USP42: variants seen among roughly 807,000 people sequenced by gnomAD.
The protein encoded by USP42 is ubiquitin specific peptidase 42, also known as ubiquitin carboxyl-terminal hydrolase 42.
In USP42, 23 loss-of-function variants were observed where a neutral mutation model predicts 113.0. The ratio of observed to expected loss-of-function variants is 0.20; its 90% CI spans 0.15 to 0.29. The LOEUF (loss-of-function observed/expected upper bound fraction) is 0.29, where lower values mean the gene tolerates loss of function less well. Among genes scored for constraint, USP42 ranks in the 10% least tolerant of loss-of-function variants. The pLI is 1.00. For synonymous variants in USP42, 933 were observed against 699.0 expected, an observed-to-expected ratio of 1.33 and a Z score of -5.28; for missense variants, 2,174 against 1,779.8, an observed-to-expected ratio of 1.22 and a Z score of -3.99.
chr7:6,081,465 G>A, the USP42 span, among the ~76,000 whole-genome samples: 8 of 152,144 alleles, frequency 5.3e-5, no homozygotes, highest in South Asian at 2.1e-4. Flanking sequence ...AGCCAATCGC[G>A]CCTCGCTCCT....
At chr7:6,115,841 G>A (rs552889844) in intron 3 of USP42, among the ~76,000 whole-genome samples, 2 of 152,254 alleles carry the variant, frequency 1.3e-5, no homozygotes, top group Non-Finnish European at 2.9e-5. Context: ...GCTCACACCT[G>A]TAATCCCAGC....
upstream of USP42, among the ~76,000 whole-genome samples, chr7:6,101,151 G>T (rs1790116605): frequency 6.6e-6 from 1 of 151,118 alleles, no homozygotes; most frequent in Non-Finnish European, 1.5e-5. Context: ...CTCCCCTTCA[G>T]CTAAGAACAG....
At chr7:6,137,850 T>G (rs1013503985) in intron 4 of USP42, among the ~76,000 whole-genome samples, 47 of 152,000 alleles carry the variant, frequency 3.1e-4, no homozygotes, top group African/African-American at 1.1e-3. Flanking sequence ...CTGGCTAATT[T>G]TTGTATTTTT....
At chr7:6,108,662 G>C (rs1779425189) in intron 1 of USP42, among the ~76,000 whole-genome samples, 1 of 152,072 alleles carries the variant, frequency 6.6e-6, no homozygotes, top group Admixed American at 6.6e-5. Context: ...TGTATTTTCA[G>C]TAGAGACAGG....
At position 6,154,068 on chromosome 7, in the gene USP42, G is replaced by T; in HGVS notation, c.2514G>T (p.Met838Ile). 1 of 1,606,068 alleles carries T rather than the reference G, an allele frequency of 6.2e-7. No homozygotes were observed. ...CGTTGTCCCAGGACGCAAAGGGGATGATCGCGGAGGGCCCGCGGGACTCGG... is the reference window on the plus strand; with the variant it reads ...CGTTGTCCCAGGACGCAAAGGGGATTATCGCGGAGGGCCCGCGGGACTCGG... ...ASPLSQDAKG[M>I]IAEGPRDSAL... The change falls in exon 15 of 18, where the codon ATG (methionine) becomes ATT (isoleucine). Residue 838 changes from methionine (M) to isoleucine (I), a missense_variant. Coordinates refer to ENST00000306177, the MANE Select transcript of USP42 (RefSeq NM_032172.3).
Position 6,161,543 on chromosome 7 carries a change from A to C in USP42, c.*1025A>C, listed in dbSNP as rs1016902642. 1 of 152,642 alleles carries C rather than the reference A, an allele frequency of 6.6e-6. No individual in the cohort carries two copies. The highest frequency in any genetic ancestry group is 1.5e-5 in the Non-Finnish European group (1 of 68,042). 9.5% of individuals were successfully genotyped at this position (152,642 alleles called of 1,614,324 possible). A position where few individuals can be genotyped will look rare whatever the true frequency, so the allele number is the denominator to read the frequency against. On this transcript the variant is annotated 3_prime_UTR_variant, in exon 18 of 18. Coordinates refer to ENST00000306177, the MANE Select transcript of USP42 (RefSeq NM_032172.3). ...ATACAGCATGTAAAATTTCTATAGT[A>C]TATAAATGGCAGCAAATCACACACT...
At chr7:6,142,277 C>T (rs1781473168) in intron 7 of USP42, among the ~76,000 whole-genome samples, 1 of 150,182 alleles carries the variant, frequency 6.7e-6, no homozygotes, top group Non-Finnish European at 1.5e-5. Flanking sequence ...AGTGCAGTGG[C>T]TCGATCTCGG....
At chr7:6,136,160 A>G (rs560844077) in intron 4 of USP42, among the ~76,000 whole-genome samples, 10 of 152,134 alleles carry the variant, frequency 6.6e-5, no homozygotes, top group African/African-American at 1.9e-4. Context: ...GTGTACCACT[A>G]TGCCAGGCTA....
rs913638372 is a variant in USP42 at position 6,137,718 on chromosome 7, C to T, written c.554-1374C>T. Among the ~76,000 whole-genome samples the T allele has an allele frequency of 8.5e-5, 13 of 152,056 alleles. No homozygotes were observed. The East Asian group carries it at 1.2e-3, about 14-fold the overall frequency. On this transcript the variant is annotated intron_variant, in intron 4 of 17. Coordinates refer to ENST00000306177, the MANE Select transcript of USP42 (RefSeq NM_032172.3). ...TTTTTGAGATGGAGTCTCACTCTGTCGCCTAGGCTGGAGTGCAGTGGTGCA... is the reference window on the plus strand; with the variant it reads ...TTTTTGAGATGGAGTCTCACTCTGTTGCCTAGGCTGGAGTGCAGTGGTGCA...
chr7:6,109,913 C>G (rs1005090825), intron 1 of USP42, among the ~76,000 whole-genome samples: 4 of 151,512 alleles, frequency 2.6e-5, no homozygotes, highest in African/African-American at 7.3e-5. Flanking sequence ...GTTGGCCAGA[C>G]TGGTCTCAAA....
chr7:6,150,646 A>G (rs569666661), intron 14 of USP42, 140 bp downstream of exon 14: 8 of 826,730 alleles, frequency 9.7e-6, no homozygotes, highest in Non-Finnish European at 1.5e-5. Context: ...TATAATGTAT[A>G]GGATTTATTA....
intron 3 of USP42, 139 bp downstream of exon 3, chr7:6,115,662 G>C (rs1337376128): frequency 9.8e-7 from 1 of 1,019,684 alleles, no homozygotes; most frequent in Admixed American, 2.4e-5. Flanking sequence ...AAACCAAGGA[G>C]GAGGACTCAG....
chr7:6,091,978 T>TTTCCTCTTC, the USP42 span, among the ~76,000 whole-genome samples: 1 of 67,866 alleles, frequency 1.5e-5, no homozygotes, highest in African/African-American at 6.7e-5. Flanking sequence ...GGACGTATTT[T>TTTCCTCTTC]TTCTTCTTCT....
chr7:6,115,163 G>GT (rs1317562806), intron 2 of USP42, among the ~76,000 whole-genome samples, 160 bp from the exon 3 acceptor site: 1 of 152,086 alleles, frequency 6.6e-6, no homozygotes, highest in East Asian at 1.9e-4. Context: ...TCATGTTCTG[G>GT]TTTCTGTCTT....
the USP42 span, among the ~76,000 whole-genome samples, chr7:6,091,978 T>TTC: frequency 2.3e-3 from 156 of 67,948 alleles, 9 homozygotes; most frequent in African/African-American, 6.2e-3. Context: ...GGACGTATTT[T>TTC]TTCTTCTTCT....
chr7:6,154,353 A>G lies in USP42; in HGVS notation c.2799A>G (p.Pro933=), dbSNP rs1043892877. ...AGGACGCCGCGGCGCCGAAAGCCCC[A>G]GGCCCTTCCCCAGCGAAGGAGAAAA... ...RVEDAAAPKA[P]GPSPAKEKIG... is the part of the protein sequence containing the mutation. The change falls in exon 15 of 18, where the codon CCA becomes CCG. Residue 933 remains proline, a synonymous_variant. Transcript: ENST00000306177. 8.3e-6 allele frequency: 13 copies of G among 1,573,744 alleles called. No individual in the cohort carries two copies. In the African/African-American group the frequency reaches 9.5e-5, roughly 11 times the overall value.
the USP42 span, among the ~76,000 whole-genome samples, chr7:6,099,211 C>CTTTTT: frequency 1.1e-4 from 11 of 98,778 alleles, no homozygotes; most frequent in Admixed American, 2.4e-4. Flanking sequence ...TGTTCCCTCT[C>CTTTTT]TTTTTTTTTT....
rs1291832906 is a variant in USP42, at chr7:6,125,180, C to CA, written c.442+9659dup. ...TGGGCAACAGAGCGAGACTCTGTCT[C>CA]AACAAAAAAAAAAAAAAAAAAAAAC... On this transcript the variant is annotated intron_variant, in intron 3 of 17. Transcript: ENST00000306177. 9.7e-4 allele frequency among the ~76,000 whole-genome samples: 52 copies of CA among 53,884 alleles called. 1 individual carries two copies. The highest frequency in any genetic ancestry group is 2.6e-3 in the African/African-American group (32 of 12,320). 35.3% of individuals were successfully genotyped at this position (53,884 alleles called of 152,430 possible). A position where few individuals can be genotyped will look rare whatever the true frequency, so the allele number is the denominator to read the frequency against.
the USP42 span, among the ~76,000 whole-genome samples, chr7:6,082,426 C>T: frequency 6.6e-6 from 1 of 150,468 alleles, no homozygotes; most frequent in African/African-American, 2.5e-5. Context: ...CCGCGCCCGG[C>T]CCGGGTGGGT....
Sources: gnomAD v4.1 joint callset for allele counts (sites outside exome capture counted in the v4.1 genomes callset) on GRCh38, gnomAD v4.1.1 for gene constraint, MANE v1.5 for transcripts, NCBI Gene and HGNC (gene_info 2026-07-23, HGNC 2026-07-21) for gene names.